Variants in SLC16A9 observed in about 807,000 individuals in gnomAD.
The protein encoded by SLC16A9 is monocarboxylate transporter 9.
Under a neutral mutation model 44.3 loss-of-function variants are expected in SLC16A9, and 26 were observed. The ratio of observed to expected loss-of-function variants is 0.59; its 90% CI spans 0.43 to 0.81. The LOEUF (loss-of-function observed/expected upper bound fraction) is 0.81. Among genes scored for constraint, SLC16A9 ranks in the 40% least tolerant of loss-of-function variants. The pLI is 0.00. For synonymous variants in SLC16A9, 230 were observed against 225.1 expected (o/e 1.02, Z -0.19); for missense variants, 559 against 595.8 (o/e 0.94, Z 0.64).
intron 4 of SLC16A9, among the ~76,000 whole-genome samples, chr10:59,662,054 C>G (rs1839487295): frequency 3.3e-5 from 5 of 152,156 alleles, no homozygotes; most frequent in African/African-American, 4.8e-5. Context: ...CAAGGCAATA[C>G]CATGCAGGAC....
chr10:59,673,033 G>T, intron 2 of SLC16A9, 120 bp from the exon 3 acceptor site: 1 of 872,416 alleles, frequency 1.1e-6, no homozygotes, highest in Non-Finnish European at 1.7e-6. Flanking sequence ...ATGATATGCA[G>T]ACACTATATG....
intron 1 of SLC16A9, among the ~76,000 whole-genome samples, chr10:59,696,517 G>A (rs1156402593): frequency 2.6e-5 from 4 of 152,064 alleles, no homozygotes; most frequent in East Asian, 1.9e-4. Context: ...GCCTCTGCCC[G>A]GCCGCCACCC....
chr10:59,696,826 G>A (rs1241494448), intron 1 of SLC16A9, among the ~76,000 whole-genome samples: 24 of 151,022 alleles, frequency 1.6e-4, no homozygotes, highest in African/African-American at 2.4e-4. Context: ...CCCTCCGCCC[G>A]GCAGCCACAC....
intron 3 of SLC16A9, 79 bp downstream of exon 3, chr10:59,672,691 C>A: frequency 7.3e-7 from 1 of 1,363,862 alleles, no homozygotes; most frequent in South Asian, 1.5e-5. Flanking sequence ...TTTACATTAA[C>A]TGGATCATAA....
At chr10:59,697,325 A>T (rs1840416685) in intron 1 of SLC16A9, among the ~76,000 whole-genome samples, 2 of 150,380 alleles carry the variant, frequency 1.3e-5, no homozygotes, top group Admixed American at 1.3e-4. Flanking sequence ...GAGAAATCGG[A>T]TGGCTGCCGT....
At chr10:59,695,149 G>C (rs1840343885) in intron 1 of SLC16A9, among the ~76,000 whole-genome samples, 1 of 151,976 alleles carries the variant, frequency 6.6e-6, no homozygotes, top group Non-Finnish European at 1.5e-5. Context: ...CCTAGGGCTG[G>C]GAGGTTTTGG....
chr10:59,662,028 A>C lies in SLC16A9; in HGVS notation c.436+2199T>G, dbSNP rs183784578. 7.4e-3 allele frequency among the ~76,000 whole-genome samples: 1,121 copies of C among 152,282 alleles called. 8 individuals carry two copies. Among genetic ancestry groups the C allele is most frequent in the Non-Finnish European group, 0.011 (753 of 68,020 alleles). ...TAAATATAAGACCTAAAACCATAAA[A>C]ACCCTAGAAGAAAACCAAGGCAATA... On this transcript the variant is annotated intron_variant, in intron 4 of 5. Transcript: ENST00000395348.
intron 5 of SLC16A9, 46 bp downstream of exon 5, chr10:59,653,629 C>T (rs1164079435): frequency 6.6e-7 from 1 of 1,518,186 alleles, no homozygotes; most frequent in East Asian, 2.3e-5. Context: ...GGAGATATGA[C>T]AAGGAAGAAC....
intron 2 of SLC16A9, among the ~76,000 whole-genome samples, chr10:59,680,000 T>G (rs1345882074): frequency 1.3e-5 from 2 of 152,202 alleles, no homozygotes; most frequent in Non-Finnish European, 2.9e-5. Context: ...AGTTACCTTT[T>G]TTTTCTGTCT....
intron 4 of SLC16A9, among the ~76,000 whole-genome samples, chr10:59,658,298 T>C (rs1329101592): frequency 6.6e-6 from 1 of 152,158 alleles, no homozygotes; most frequent in Non-Finnish European, 1.5e-5. Context: ...CTCCCTAAAA[T>C]GTATAAAATC....
chr10:59,687,092 AC>A (rs1279254661), intron 1 of SLC16A9, among the ~76,000 whole-genome samples: 1 of 152,070 alleles, frequency 6.6e-6, no homozygotes, highest in Admixed American at 6.6e-5. Flanking sequence ...TTTAGTAGAG[AC>A]GGGGTTTCAC....
intron 2 of SLC16A9, among the ~76,000 whole-genome samples, chr10:59,678,939 T>C (rs76830482): frequency 0.03 from 4,600 of 152,192 alleles, 219 homozygotes; most frequent in African/African-American, 0.1. Context: ...GAGTTAACAG[T>C]GCTTAGGGGT....
intron 1 of SLC16A9, among the ~76,000 whole-genome samples, chr10:59,690,705 T>A (rs567988023): frequency 1.3e-4 from 20 of 152,164 alleles, no homozygotes; most frequent in African/African-American, 3.9e-4. Flanking sequence ...TTTCAAGAAG[T>A]CTGTGTTTAT....
At position 59,703,912 on chromosome 10, in the gene SLC16A9, C is replaced by T. The variant is rs142450584; in HGVS notation, c.-37+5567G>A. On this transcript the variant is annotated intron_variant, in intron 1 of 5. Transcript: ENST00000395348. ...TCTTTTGGTATTTTTTTAGTAGAGA[C>T]GGGGTTTCGCCCTGTTAGCCAGGAT... Among the ~76,000 whole-genome samples the T allele has an allele frequency of 1.8e-3, 275 of 152,004 alleles. 1 individual carries two copies. The highest frequency in any genetic ancestry group is 6.1e-3 in the African/African-American group (253 of 41,472).
In SLC16A9 at chr10:59,690,077, C is replaced by G. The variant is rs991614024; in HGVS notation, c.-36-5750G>C. Among the ~76,000 whole-genome samples, 3 of 152,110 alleles carry G rather than the reference C, an allele frequency of 2.0e-5. No homozygotes were observed. In the East Asian group the frequency reaches 5.8e-4, roughly 29 times the overall value. On this transcript the variant is annotated intron_variant, in intron 1 of 5. Transcript: ENST00000395348. ...TGGCATGCACCTGTGGTCCCAGCTA[C>G]TTGGGAGGCTGAGGCAGGAAGATAG...
Position 59,653,969 on chromosome 10 carries a change from T to C in SLC16A9, c.1057A>G (p.Thr353Ala), listed in dbSNP as rs1839282078. Residue 353 changes from threonine to alanine, a missense_variant, in exon 5 of 6, where the codon ACA becomes GCA. Physicochemically the swap from Thr to Ala is moderately conservative, Grantham distance 58. Transcript: ENST00000395348. ...MPLISIIGIM[T>A]AVGKLLLGIL... is the part of the protein sequence containing the mutation. ...CCTAAAAGCAGTTTACCAACTGCTG[T>C]CATAATGCCTATAATGGAAATAAGT... 1.2e-6 allele frequency: 2 copies of C among 1,613,972 alleles called. No homozygotes were observed. Among genetic ancestry groups the C allele is most frequent in the African/African-American group, 1.3e-5 (1 of 75,074 alleles).
At chr10:59,661,739 C>T (rs2132418676) in intron 4 of SLC16A9, among the ~76,000 whole-genome samples, 1 of 145,568 alleles carries the variant, frequency 6.9e-6, no homozygotes, top group African/African-American at 2.5e-5. Context: ...CACTACCTGA[C>T]TTCAAACTAT....
intron 3 of SLC16A9, among the ~76,000 whole-genome samples, chr10:59,670,860 A>G (rs1471385118): frequency 1.3e-5 from 2 of 152,168 alleles, no homozygotes; most frequent in South Asian, 2.1e-4. Context: ...CTATGAGCCT[A>G]CTGATGAAAT....
chr10:59,709,180 G>A (rs1175744117), intron 1 of SLC16A9, among the ~76,000 whole-genome samples: 1 of 152,076 alleles, frequency 6.6e-6, no homozygotes, highest in Non-Finnish European at 1.5e-5. Flanking sequence ...GGGGGCCACC[G>A]TACCACCCCC....
Sources: gnomAD v4.1 joint callset for allele counts (sites outside exome capture counted in the v4.1 genomes callset) on GRCh38, gnomAD v4.1.1 for gene constraint, MANE v1.5 for transcripts, NCBI Gene and HGNC (gene_info 2026-07-23, HGNC 2026-07-21) for gene names.